DPYD: variants seen among roughly 807,000 people sequenced by gnomAD.
DPYD encodes the protein dihydropyrimidine dehydrogenase, also known as dihydropyrimidine dehydrogenase [NADP(+)].
In DPYD, 109 loss-of-function variants were observed where a neutral mutation model predicts 116.2. That is an observed-to-expected ratio of 0.94 (90% confidence interval 0.80 to 1.10). DPYD has a LOEUF of 1.10. Ranked by LOEUF, DPYD falls within the 50% of genes least tolerant of loss-of-function variation. DPYD has a pLI of 0.00. For missense variants in DPYD, 1,302 were observed against 1,254.5 expected (o/e 1.04, Z -0.57); for synonymous variants, 440 against 432.0 (o/e 1.02, Z -0.23).
rs145168254 is a variant in DPYD, at chr1:97,760,499, T to G, written c.234-20020A>C. ...TAGCTATTTATATTTGTATTTACATTTTTTAGGTATATGAGTAATCTAGAG... is the reference window on the plus strand; with the variant it reads ...TAGCTATTTATATTTGTATTTACATGTTTTAGGTATATGAGTAATCTAGAG... On this transcript the variant is annotated intron_variant, in intron 3 of 22. Transcript: ENST00000370192. Among the ~76,000 whole-genome samples the G allele has an allele frequency of 3.9e-3, 589 of 152,254 alleles. 4 individuals carry two copies. The highest frequency in any genetic ancestry group is 0.014 in the African/African-American group (570 of 41,556).
Position 97,329,059 on chromosome 1 carries a change from T to C in DPYD, c.2059-22762A>G, listed in dbSNP as rs150560816. The stretch of plus-strand genomic sequence containing the variant: ...TGAGAAACAACTTCTGAATATTACT[T>C]CCTAGATTTTTGGACAATTTGGTAG... On this transcript the variant is annotated intron_variant, in intron 16 of 22. Transcript: ENST00000370192. 8.7e-4 allele frequency among the ~76,000 whole-genome samples: 132 copies of C among 152,268 alleles called. 1 individual carries two copies. In the East Asian group the frequency reaches 0.024, roughly 28 times the overall value.
At chr1:97,366,027 C>T (rs940512103) in intron 16 of DPYD, among the ~76,000 whole-genome samples, 16 of 152,104 alleles carry the variant, frequency 1.1e-4, no homozygotes, top group Admixed American at 7.2e-4. Flanking sequence ...TAGATTTAAA[C>T]GGTGTTGCTT....
intron 19 of DPYD, among the ~76,000 whole-genome samples, chr1:97,208,126 G>T (rs1242492622): frequency 1.3e-5 from 2 of 151,900 alleles, no homozygotes; most frequent in Non-Finnish European, 1.5e-5. Context: ...TACCAGAAGA[G>T]AGCAATTGTT....
intron 19 of DPYD, among the ~76,000 whole-genome samples, chr1:97,206,687 TAA>T (rs1659653081): frequency 1.4e-5 from 1 of 71,582 alleles, no homozygotes; most frequent in Admixed American, 1.8e-4. Flanking sequence ...TATATATATA[TAA>T]TCTATATGCT....
chr1:97,732,424 G>A (rs1319185604), intron 4 of DPYD, among the ~76,000 whole-genome samples: 4 of 147,982 alleles, frequency 2.7e-5, no homozygotes, highest in Non-Finnish European at 4.4e-5. Context: ...TCAGTGAGCC[G>A]AGATTGTGCC....
intron 8 of DPYD, among the ~76,000 whole-genome samples, chr1:97,636,033 C>A (rs1478260965): frequency 6.6e-6 from 1 of 152,054 alleles, no homozygotes; most frequent in Admixed American, 6.6e-5. Flanking sequence ...ATTGCTCAGG[C>A]TGGTCTCGAA....
At chr1:97,587,012 A>G (rs145318349) in intron 10 of DPYD, among the ~76,000 whole-genome samples, 1 of 152,336 alleles carries the variant, frequency 6.6e-6, no homozygotes, top group East Asian at 1.9e-4. Flanking sequence ...TAAGAAGCAT[A>G]TAATTACAAC....
At chr1:97,744,420 G>A (rs902275997) in intron 3 of DPYD, among the ~76,000 whole-genome samples, 5 of 151,798 alleles carry the variant, frequency 3.3e-5, no homozygotes, top group African/African-American at 1.2e-4. Flanking sequence ...AGTTTAAATG[G>A]CTGAATTAAT....
intron 12 of DPYD, among the ~76,000 whole-genome samples, chr1:97,538,022 G>A (rs920751649): frequency 3.3e-4 from 49 of 150,460 alleles, no homozygotes; most frequent in African/African-American, 9.8e-4. Context: ...AGCCAAGATC[G>A]TGCCATTGCA....
chr1:97,306,050 C>T (rs1667140668), intron 17 of DPYD, 127 bp downstream of exon 17: 2 of 1,487,016 alleles, frequency 1.3e-6, no homozygotes, highest in Non-Finnish European at 1.9e-6. Context: ...AAGTGCTCAA[C>T]TGGAAACTTT....
chr1:97,502,397 A>G (rs1679634731), intron 13 of DPYD, among the ~76,000 whole-genome samples: 2 of 152,084 alleles, frequency 1.3e-5, no homozygotes, highest in Non-Finnish European at 2.9e-5. Flanking sequence ...GGAGGAATCT[A>G]GAGAAGTCCA....
chr1:97,893,507 C>T (rs1023574753), intron 1 of DPYD, among the ~76,000 whole-genome samples: 3 of 140,730 alleles, frequency 2.1e-5, no homozygotes, highest in African/African-American at 7.9e-5. Context: ...GTATATAACT[C>T]ATGGGTCTTT....
intron 18 of DPYD, among the ~76,000 whole-genome samples, chr1:97,250,922 TTAAC>T (rs1333701039): frequency 1.3e-5 from 2 of 152,144 alleles, no homozygotes; most frequent in East Asian, 1.9e-4. Context: ...TATATTGTAT[TTAAC>T]TATACTCCAT....
chr1:97,152,369 C>A (rs1425853116), intron 20 of DPYD, among the ~76,000 whole-genome samples: 1 of 151,502 alleles, frequency 6.6e-6, no homozygotes, highest in African/African-American at 2.4e-5. Flanking sequence ...AGTATTAAAT[C>A]TAGGTGTAAA....
At chr1:97,227,699 T>C (rs184223067) in intron 19 of DPYD, among the ~76,000 whole-genome samples, 21 of 147,886 alleles carry the variant, frequency 1.4e-4, no homozygotes, top group African/African-American at 4.8e-4. Context: ...ATAATGGATT[T>C]TATAAATAAA....
chr1:97,160,229 T>G (rs756298194), intron 20 of DPYD, among the ~76,000 whole-genome samples: 14 of 152,062 alleles, frequency 9.2e-5, no homozygotes, highest in Non-Finnish European at 1.9e-4. Context: ...GAAAATTATT[T>G]TATAAAAATA....
In DPYD at chr1:97,700,730, C is replaced by T. The variant is rs975238670; in HGVS notation, c.484-1183G>A. 3.4e-4 allele frequency among the ~76,000 whole-genome samples: 51 copies of T among 151,520 alleles called. 1 individual carries two copies. The highest frequency in any genetic ancestry group is 1.9e-3 in the Admixed American group (29 of 15,148). On this transcript the variant is annotated intron_variant, in intron 5 of 22. Transcript: ENST00000370192. ...ATTGAAAGAGATACATACATAATCT[C>T]GTAAGTGTGGTTATCAAAAATAAAT...
intron 20 of DPYD, among the ~76,000 whole-genome samples, chr1:97,113,905 A>C (rs1184059641): frequency 6.6e-6 from 1 of 152,076 alleles, no homozygotes; most frequent in African/African-American, 2.4e-5. Context: ...GAAAAAATGC[A>C]TGTCTTAGAT....
intron 3 of DPYD, among the ~76,000 whole-genome samples, chr1:97,763,635 A>G (rs1193567534): frequency 2.0e-5 from 3 of 152,156 alleles, no homozygotes; most frequent in Admixed American, 6.5e-5. Context: ...AATTTGTTGA[A>G]CTCACCTGAA....
Sources: gnomAD v4.1 joint callset for allele counts (sites outside exome capture counted in the v4.1 genomes callset) on GRCh38, gnomAD v4.1.1 for gene constraint, MANE v1.5 for transcripts, NCBI Gene and HGNC (gene_info 2026-07-23, HGNC 2026-07-21) for gene names.